The following CELF5 variants were observed in gnomAD, a reference collection of about 807,000 sequenced individuals.
CELF5 encodes CUGBP Elav-like family member 5.
A neutral mutation model predicts 54.9 loss-of-function variants in CELF5; 6 were observed. The observed-to-expected ratio is 0.11, with a 90% CI of 0.06 to 0.22. The LOEUF is 0.22. CELF5 is among the 10% of genes least tolerant of loss of function. The pLI is 1.00. For synonymous variants in CELF5, 271 were observed against 290.9 expected (o/e 0.93, Z 0.70); for missense variants, 401 against 678.6 (o/e 0.59, Z 4.54).
At chr19:3,269,110 C>T (rs149365565) in intron 2 of CELF5, among the ~76,000 whole-genome samples, 1 of 152,146 alleles carries the variant, frequency 6.6e-6, no homozygotes, top group African/African-American at 2.4e-5. Flanking sequence ...CTGGGGCAGC[C>T]CAGATAAGGG....
At chr19:3,263,703 A>G (rs1161732668) in intron 2 of CELF5, among the ~76,000 whole-genome samples, 1 of 152,068 alleles carries the variant, frequency 6.6e-6, no homozygotes, top group Non-Finnish European at 1.5e-5. Context: ...TCAGGAGTTC[A>G]AGACCAGCCT....
intron 2 of CELF5, among the ~76,000 whole-genome samples, chr19:3,251,652 CTTTTTT>C (rs1195812856): frequency 1.3e-4 from 9 of 67,112 alleles, no homozygotes; most frequent in South Asian, 1.2e-3. Context: ...ACAAGGGCTT[CTTTTTT>C]TTTTTTTTTT....
chr19:3,250,394 C>T (rs2079632296), intron 1 of CELF5, among the ~76,000 whole-genome samples: 1 of 152,136 alleles, frequency 6.6e-6, no homozygotes, highest in Non-Finnish European at 1.5e-5. Context: ...GAGGCTGAGG[C>T]AGGAGAATGA....
chr19:3,245,531 C>A (rs910376637), intron 1 of CELF5, among the ~76,000 whole-genome samples: 2 of 150,952 alleles, frequency 1.3e-5, no homozygotes, highest in Admixed American at 6.6e-5. Context: ...CCTCCTAGGG[C>A]CACCACCCTC....
chr19:3,275,850 C>T lies in CELF5; in HGVS notation c.395-6C>T. On this transcript the variant is annotated splice_region_variant and splice_polypyrimidine_tract_variant and intron_variant, in intron 3 of 12. Transcript: ENST00000292672. The surrounding 1 kb of genome is among the most constrained non-coding windows in gnomAD (Gnocchi z 6.7). Reference sequence around the variant, plus strand: ...ACTCGGCTGAGGTGGGTGTCGCCGCCCACAGGGGACCGGAAGCTGTTCGTG... The same window carrying T: ...ACTCGGCTGAGGTGGGTGTCGCCGCTCACAGGGGACCGGAAGCTGTTCGTG... 1 of 1,605,052 alleles carries T rather than the reference C, an allele frequency of 6.2e-7. No individual in the cohort carries two copies. The highest frequency in any genetic ancestry group is 8.5e-7 in the Non-Finnish European group (1 of 1,173,774).
chr19:3,279,313 C>T (rs2080109745), intron 5 of CELF5, among the ~76,000 whole-genome samples: 1 of 152,060 alleles, frequency 6.6e-6, no homozygotes, highest in Non-Finnish European at 1.5e-5. Flanking sequence ...GCACTGGGGA[C>T]TGCCCTTCCC....
At chr19:3,234,516 A>G (rs925777359) in intron 1 of CELF5, among the ~76,000 whole-genome samples, 1 of 152,080 alleles carries the variant, frequency 6.6e-6, no homozygotes, top group Non-Finnish European at 1.5e-5. Context: ...GGTGGAGGCC[A>G]GGAATGCTGC....
chr19:3,259,604 C>A (rs1021587678), intron 2 of CELF5, among the ~76,000 whole-genome samples: 2 of 152,084 alleles, frequency 1.3e-5, no homozygotes, highest in Non-Finnish European at 2.9e-5. Flanking sequence ...ACTCAGGGTG[C>A]GGATTTTAAT....
At chr19:3,272,639 A>C (rs1039396512) in intron 2 of CELF5, among the ~76,000 whole-genome samples, 2 of 152,068 alleles carry the variant, frequency 1.3e-5, no homozygotes, top group African/African-American at 4.8e-5. Flanking sequence ...CAATTCCTCC[A>C]TGTGTCCTTC....
intron 2 of CELF5, among the ~76,000 whole-genome samples, chr19:3,257,667 G>T (rs2079748471): frequency 6.6e-6 from 1 of 151,640 alleles, no homozygotes; most frequent in African/African-American, 2.4e-5. Flanking sequence ...GTAGAGACGG[G>T]GTTTCCCCAT....
At chr19:3,267,607 G>A (rs982969369) in intron 2 of CELF5, among the ~76,000 whole-genome samples, 1 of 152,236 alleles carries the variant, frequency 6.6e-6, no homozygotes, top group Non-Finnish European at 1.5e-5. Flanking sequence ...TGAGGGAGGG[G>A]CCAGGACCTT....
intron 10 of CELF5, among the ~76,000 whole-genome samples, chr19:3,288,390 C>T (rs971891465): frequency 1.6e-4 from 24 of 151,898 alleles, no homozygotes; most frequent in African/African-American, 5.1e-4. Context: ...GGCGTGGTGA[C>T]GCATGCCTGT....
intron 11 of CELF5, among the ~76,000 whole-genome samples, chr19:3,292,584 A>G (rs527749069): frequency 1.5e-4 from 23 of 152,220 alleles, no homozygotes; most frequent in African/African-American, 5.1e-4. Flanking sequence ...ACGCCTGGCC[A>G]TGGGGTGGAG....
intron 2 of CELF5, among the ~76,000 whole-genome samples, chr19:3,267,481 C>T (rs905822865): frequency 1.1e-4 from 16 of 152,318 alleles, no homozygotes; most frequent in Non-Finnish European, 1.9e-4. Flanking sequence ...GTCACAGCCC[C>T]GGACACCACT....
chr19:3,281,173 C>A lies in CELF5; in HGVS notation c.604-26C>A. 1 of 1,595,304 alleles carries A rather than the reference C, an allele frequency of 6.3e-7. No homozygotes were observed. The highest frequency in any genetic ancestry group is 8.5e-7 in the Non-Finnish European group (1 of 1,173,340). On this transcript the variant is annotated intron_variant, in intron 5 of 12. Transcript: ENST00000292672. This position sits in a 1 kb window ranked among gnomAD's most constrained non-coding sequence, Gnocchi z 6.5. The stretch of plus-strand genomic sequence containing the variant: ...CCTGGCTACCTCCCAGCCCGTTTCC[C>A]TCCCTGCTCGCCGCTGCCCCTGCAG...
Position 3,282,419 on chromosome 19 carries a change from C to A in CELF5, c.960C>A (p.Gly320=). The A allele has an allele frequency of 6.2e-7, 1 of 1,613,312 alleles. No homozygotes were observed. Among genetic ancestry groups the A allele is most frequent in the Non-Finnish European group, 8.5e-7 (1 of 1,180,036 alleles). ...VPGLVAPITN[G]FAGVVPFPGG... ...GCCTCGTGGCTCCCATCACCAATGG[C>A]TTTGCAGGTGTCGTGCCCTTTCCAG... is the stretch of plus-strand genomic sequence containing the variant. The change falls in exon 8 of 13, where the codon GGC becomes GGA. Residue 320 remains glycine (G), a synonymous_variant. Transcript: ENST00000292672. This position sits in a 1 kb window ranked among gnomAD's most constrained non-coding sequence, Gnocchi z 5.2.
chr19:3,249,181 G>A (rs2079613544), intron 1 of CELF5, among the ~76,000 whole-genome samples: 1 of 151,872 alleles, frequency 6.6e-6, no homozygotes, highest in African/African-American at 2.4e-5. Context: ...CATAGGGGGC[G>A]GGGTTTGAGG....
At chr19:3,237,315 A>G (rs1917659976) in intron 1 of CELF5, among the ~76,000 whole-genome samples, 1 of 149,018 alleles carries the variant, frequency 6.7e-6, no homozygotes, top group Non-Finnish European at 1.5e-5. Flanking sequence ...CCGTCTCAAA[A>G]AAAAAAAAAA....
At chr19:3,245,377 TGTGTATGCATCTGTGTGTGTGTGC>T (rs1423985438) in intron 1 of CELF5, among the ~76,000 whole-genome samples, 3 of 148,768 alleles carry the variant, frequency 2.0e-5, no homozygotes, top group African/African-American at 5.0e-5. Context: ...TGTGCGTGTG[TGTGTATGCATCTGTGTGTGTGTGC>T]GTGTGTGTGT....
Sources: allele counts gnomAD v4.1 joint callset (sites outside exome capture counted in the v4.1 genomes callset), GRCh38; gene constraint gnomAD v4.1.1; non-coding constraint Gnocchi (gnomAD v3.1); transcripts MANE v1.5; gene names NCBI Gene and HGNC (gene_info 2026-07-23, HGNC 2026-07-21).